The following BIRC6 variants were observed in gnomAD, a reference collection of about 807,000 sequenced individuals.
BIRC6 encodes the protein dual E2 ubiquitin-conjugating enzyme/E3 ubiquitin-protein ligase BIRC6.
BIRC6 carries 98 observed loss-of-function variants against 503.3 expected under a neutral mutation model. The ratio of observed to expected loss-of-function variants is 0.19; its 90% CI spans 0.17 to 0.23. The LOEUF (loss-of-function observed/expected upper bound fraction) is 0.23. Ranked by LOEUF, BIRC6 falls within the 10% of genes least tolerant of loss-of-function variation. The pLI, the probability that BIRC6 is intolerant of heterozygous loss-of-function variation, is 1.00. For synonymous variants in BIRC6, 2,240 were observed against 2,078.7 expected (o/e 1.08, Z -2.11); for missense variants, 5,360 against 5,806.0 (o/e 0.92, Z 2.50).
At chr2:32,535,633 A>G (rs988004593) in intron 61 of BIRC6, among the ~76,000 whole-genome samples, 1 of 152,102 alleles carries the variant, frequency 6.6e-6, no homozygotes, top group Non-Finnish European at 1.5e-5. Context: ...AAGGACATGA[A>G]CTCATCATTT....
intron 2 of BIRC6, 94 bp from the exon 3 acceptor site, chr2:32,380,059 A>G (rs980935488): frequency 4.7e-6 from 4 of 851,244 alleles, no homozygotes; most frequent in African/African-American, 3.4e-5. Flanking sequence ...TAATCATTGC[A>G]TATTAAAATA....
Position 32,547,976 on chromosome 2 carries a change from C to G in BIRC6, c.12937C>G (p.Gln4313Glu). Residue 4313 changes from glutamine (Q) to glutamate (E), a missense_variant, in exon 64 of 74, where the codon CAA becomes GAA. Gln to Glu is a conservative substitution (Grantham distance 29). This residue lies in a region of BIRC6 where 477 missense variants were observed against 574.4 expected (regional missense o/e 0.83). Coordinates refer to ENST00000421745, the MANE Select transcript of BIRC6 (RefSeq NM_016252.4). Reference sequence around the variant, plus strand: ...GGATGTGGAACAAGCCTTAACTAAGCAAAGGCTGGAAGAGGAACATGTTAC... The same window carrying G: ...GGATGTGGAACAAGCCTTAACTAAGGAAAGGCTGGAAGAGGAACATGTTAC... The part of the protein sequence containing the change: ...GWDVEQALTK[Q>E]RLEEEHVTCL... 1 of 1,611,650 alleles carries G rather than the reference C, an allele frequency of 6.2e-7. No homozygotes were observed. Among genetic ancestry groups the G allele is most frequent in the East Asian group, 2.2e-5 (1 of 44,812 alleles).
intron 61 of BIRC6, 83 bp downstream of exon 61, chr2:32,531,634 G>T: frequency 1.7e-6 from 2 of 1,207,978 alleles, no homozygotes; most frequent in East Asian, 2.6e-5. Flanking sequence ...TAATGTACTT[G>T]GATTAACTTT....
At chr2:32,461,913 CT>C (rs2048035102) in intron 23 of BIRC6, among the ~76,000 whole-genome samples, 8 of 152,120 alleles carry the variant, frequency 5.3e-5, no homozygotes, top group Admixed American at 5.2e-4. Context: ...ATTAAATAAG[CT>C]GATGTAGCTT....
At chr2:32,430,533 C>T (rs749804091) in intron 11 of BIRC6, among the ~76,000 whole-genome samples, 1 of 152,096 alleles carries the variant, frequency 6.6e-6, no homozygotes, top group Non-Finnish European at 1.5e-5. Flanking sequence ...TTGGCTTGCA[C>T]TTTAGTACCA....
chr2:32,518,717 T>C, intron 56 of BIRC6, 100 bp from the exon 57 acceptor site: 4 of 1,328,076 alleles, frequency 3.0e-6, no homozygotes, highest in African/African-American at 3.0e-5. Flanking sequence ...TCTTGTAGGA[T>C]TTATTGAGTA....
chr2:32,479,354 G>T, intron 36 of BIRC6, 108 bp from the exon 37 acceptor site: 2 of 1,059,640 alleles, frequency 1.9e-6, no homozygotes, highest in Non-Finnish European at 2.7e-6. Flanking sequence ...TTTATAGTTA[G>T]TAGAGCATTT....
chr2:32,365,959 ACTGTAAACTCTGCCTC>A (rs1330467105), intron 1 of BIRC6, among the ~76,000 whole-genome samples: 1 of 151,872 alleles, frequency 6.6e-6, no homozygotes, highest in African/African-American at 2.4e-5. Flanking sequence ...GTCTTGGCTC[ACTGTAAACTCTGCCTC>A]CTGGGTTCAA....
At chr2:32,541,057 G>T (rs1405308542) in intron 61 of BIRC6, among the ~76,000 whole-genome samples, 2 of 151,900 alleles carry the variant, frequency 1.3e-5, no homozygotes, top group Non-Finnish European at 2.9e-5. Context: ...CTGTCTTTTT[G>T]CTTTCATTGT....
intron 66 of BIRC6, among the ~76,000 whole-genome samples, chr2:32,592,802 T>A (rs1014298234): frequency 6.6e-6 from 1 of 152,074 alleles, no homozygotes; most frequent in African/African-American, 2.4e-5. Context: ...TCCATGTTGT[T>A]CAGGGTGGTC....
intron 45 of BIRC6, among the ~76,000 whole-genome samples, chr2:32,494,937 A>G (rs2052263632): frequency 6.6e-6 from 1 of 152,316 alleles, no homozygotes; most frequent in Non-Finnish European, 1.5e-5. Flanking sequence ...ATGATCAGGA[A>G]TAAGTCAGTA....
At chr2:32,496,559 G>T (rs2052499593) in intron 45 of BIRC6, among the ~76,000 whole-genome samples, 1 of 152,086 alleles carries the variant, frequency 6.6e-6, no homozygotes, top group Non-Finnish European at 1.5e-5. Context: ...TAGAATTTAT[G>T]TTTTTGTCTG....
intron 8 of BIRC6, among the ~76,000 whole-genome samples, chr2:32,404,550 G>A (rs569964048): frequency 3.3e-5 from 5 of 152,232 alleles, no homozygotes; most frequent in East Asian, 1.9e-4. Context: ...CGGGCCTCAC[G>A]TGATGTGCCT....
intron 39 of BIRC6, among the ~76,000 whole-genome samples, chr2:32,484,711 T>G (rs1012185461): frequency 1.3e-5 from 2 of 152,184 alleles, no homozygotes; most frequent in African/African-American, 2.4e-5. Flanking sequence ...TTTTTCTTTT[T>G]TATTTGTTGA....
Position 32,499,627 on chromosome 2 carries a change from T to G in BIRC6, c.8549T>G (p.Val2850Gly). The G allele has an allele frequency of 1.2e-6, 2 of 1,613,886 alleles. No homozygotes were observed. Among genetic ancestry groups the G allele is most frequent in the South Asian group, 2.2e-5 (2 of 91,084 alleles). Residue 2850 changes from valine to glycine, a missense_variant, in exon 46 of 74, where the codon GTC becomes GGC. Physicochemically the swap from Val to Gly is moderately radical, Grantham distance 109. This residue lies in a region of BIRC6 where 2,299 missense variants were observed against 2,267.2 expected (regional missense o/e 1.01). Coordinates refer to ENST00000421745, the MANE Select transcript of BIRC6 (RefSeq NM_016252.4). The stretch of plus-strand genomic sequence containing the variant: ...TTCACTCTGGAGCAGAATTTTGAAG[T>G]CGTTTCAGTTAGTACTATTTCTGCC... ...LEFTLEQNFE[V>G]VSVSTISAVI...
At chr2:32,532,369 C>T (rs905102748) in intron 61 of BIRC6, 12 of 414,460 alleles carry the variant, frequency 2.9e-5, no homozygotes, top group Non-Finnish European at 5.3e-5. Flanking sequence ...CTTGCTTCTT[C>T]CTGGCTTCTA....
At chr2:32,582,455 C>G (rs1025184290) in intron 66 of BIRC6, among the ~76,000 whole-genome samples, 3 of 151,994 alleles carry the variant, frequency 2.0e-5, no homozygotes, top group Non-Finnish European at 4.4e-5. Context: ...TCTGTTCATC[C>G]AAAGGTTTTG....
chr2:32,484,503 A>G (rs1186917043), intron 39 of BIRC6, among the ~76,000 whole-genome samples: 1 of 150,436 alleles, frequency 6.6e-6, no homozygotes, highest in South Asian at 2.1e-4. Context: ...GTGAGCCAAG[A>G]TCGTGCTGCT....
intron 66 of BIRC6, among the ~76,000 whole-genome samples, chr2:32,589,050 T>G (rs2061241277): frequency 6.6e-6 from 1 of 152,224 alleles, no homozygotes; most frequent in Non-Finnish European, 1.5e-5. Context: ...TTTTTATATC[T>G]GATCTTTTGT....
Sources: allele counts gnomAD v4.1 joint callset (sites outside exome capture counted in the v4.1 genomes callset), GRCh38; gene constraint gnomAD v4.1.1; regional missense constraint gnomAD v4.1.1; transcripts MANE v1.5; gene names NCBI Gene and HGNC (gene_info 2026-07-23, HGNC 2026-07-21).